SYT1: variants seen among roughly 807,000 people sequenced by gnomAD.
The protein encoded by SYT1 is synaptotagmin-1.
A neutral mutation model predicts 44.8 loss-of-function variants in SYT1; 8 were observed. The observed-to-expected ratio is 0.18, with a 90% CI of 0.10 to 0.32. SYT1 has a LOEUF of 0.32. Ranked by LOEUF, SYT1 falls within the 10% of genes least tolerant of loss-of-function variation. The pLI, the probability that SYT1 is intolerant of heterozygous loss-of-function variation, is 1.00. For missense variants in SYT1, 286 were observed against 509.3 expected, an observed-to-expected ratio of 0.56 and a Z score of 4.22; for synonymous variants, 154 against 188.8, an observed-to-expected ratio of 0.82 and a Z score of 1.51.
At position 79,209,294 on chromosome 12, in the gene SYT1, G is replaced by A. The variant is rs1452764231; in HGVS notation, c.-17-8209G>A. Among the ~76,000 whole-genome samples, 4 of 152,278 alleles carry A rather than the reference G, an allele frequency of 2.6e-5. No individual in the cohort carries two copies. The East Asian group carries it at 5.8e-4, about 22-fold the overall frequency. ...AACTGCCTAAGGATCTTTGGATTTGGAAAGAATTTAAATGAAAGCTTTGAC... is the reference window on the plus strand; with the variant it reads ...AACTGCCTAAGGATCTTTGGATTTGAAAAGAATTTAAATGAAAGCTTTGAC... On this transcript the variant is annotated intron_variant, in intron 3 of 10. Coordinates refer to ENST00000261205, the MANE Select transcript of SYT1 (RefSeq NM_005639.3).
chr12:79,321,212 A>G (rs1481142484), intron 8 of SYT1, among the ~76,000 whole-genome samples: 1 of 152,234 alleles, frequency 6.6e-6, no homozygotes, highest in African/African-American at 2.4e-5. Context: ...GAATCATATA[A>G]CTAAGGAAGT....
rs1289447828 is a variant in SYT1 at position 78,988,145 on chromosome 12, T to C, written c.-84+10214T>C. Among the ~76,000 whole-genome samples, 3 of 152,034 alleles carry C rather than the reference T, an allele frequency of 2.0e-5. No individual in the cohort carries two copies. The East Asian group carries it at 5.8e-4, about 29-fold the overall frequency. ...ACTGAACAAATTTTTTTTTTCAAAA[T>C]GTACAATGCGTTAGGCATTATACCT... On this transcript the variant is annotated intron_variant, in intron 2 of 10. Coordinates refer to ENST00000261205, the MANE Select transcript of SYT1 (RefSeq NM_005639.3).
intron 2 of SYT1, among the ~76,000 whole-genome samples, chr12:79,030,658 A>G (rs577822171): frequency 6.6e-6 from 1 of 151,232 alleles, no homozygotes; most frequent in African/African-American, 2.4e-5. Flanking sequence ...TTTCTATTTT[A>G]AACAGCATTT....
intron 3 of SYT1, among the ~76,000 whole-genome samples, chr12:79,061,906 C>T (rs1186235114): frequency 6.6e-6 from 1 of 151,944 alleles, no homozygotes; most frequent in Non-Finnish European, 1.5e-5. Flanking sequence ...ATTCTTGCTA[C>T]TTTTTTCTGC....
intron 3 of SYT1, among the ~76,000 whole-genome samples, chr12:79,138,558 A>G (rs1460713824): frequency 6.6e-6 from 1 of 152,222 alleles, no homozygotes. Flanking sequence ...AACTTTGGGT[A>G]AATTACCTCT....
At chr12:79,440,147 G>A (rs1870327315) in intron 9 of SYT1, among the ~76,000 whole-genome samples, 1 of 152,162 alleles carries the variant, frequency 6.6e-6, no homozygotes, top group Admixed American at 6.5e-5. Flanking sequence ...GAACCTGGGA[G>A]GCAGAGGTTG....
chr12:78,985,034 A>G (rs1281384007), intron 2 of SYT1, among the ~76,000 whole-genome samples: 1 of 152,014 alleles, frequency 6.6e-6, no homozygotes, highest in Non-Finnish European at 1.5e-5. Context: ...CCATTACAAG[A>G]CACATTGTAT....
intron 3 of SYT1, among the ~76,000 whole-genome samples, chr12:79,171,300 G>T (rs1871506644): frequency 6.6e-6 from 1 of 151,994 alleles, no homozygotes; most frequent in Admixed American, 6.6e-5. Context: ...CCATTTTCAT[G>T]ATATTGATTC....
intron 9 of SYT1, among the ~76,000 whole-genome samples, chr12:79,441,944 C>T (rs1238065424): frequency 6.6e-6 from 1 of 152,184 alleles, no homozygotes; most frequent in East Asian, 1.9e-4. Flanking sequence ...TTTTAAATTA[C>T]CCTATTCTCC....
At chr12:79,189,078 C>T (rs1872962747) in intron 3 of SYT1, among the ~76,000 whole-genome samples, 3 of 152,044 alleles carry the variant, frequency 2.0e-5, no homozygotes, top group Admixed American at 6.6e-5. Flanking sequence ...ATGGAGTAAA[C>T]TGTAACTGAG....
chr12:78,917,362 T>G (rs765472043), intron 1 of SYT1, among the ~76,000 whole-genome samples: 2 of 151,882 alleles, frequency 1.3e-5, no homozygotes, highest in African/African-American at 4.8e-5. Context: ...ATACCCAAAG[T>G]TGACTGTAGG....
intron 3 of SYT1, among the ~76,000 whole-genome samples, chr12:79,082,144 C>T (rs1877077000): frequency 6.6e-6 from 1 of 152,070 alleles, no homozygotes; most frequent in African/African-American, 2.4e-5. Context: ...GGAATTTTGA[C>T]CTTTTATAGA....
chr12:79,261,613 A>G (rs1371222198), intron 4 of SYT1, among the ~76,000 whole-genome samples: 1 of 152,176 alleles, frequency 6.6e-6, no homozygotes, highest in African/African-American at 2.4e-5. Flanking sequence ...GAATATCTTT[A>G]GGTTAAAAAA....
At chr12:79,187,526 A>T (rs1872873276) in intron 3 of SYT1, among the ~76,000 whole-genome samples, 1 of 152,050 alleles carries the variant, frequency 6.6e-6, no homozygotes, top group South Asian at 2.1e-4. Flanking sequence ...AATTTTGGTA[A>T]TTTCCCAATT....
chr12:78,941,394 T>TAC (rs71441941), intron 1 of SYT1, among the ~76,000 whole-genome samples: 3,495 of 143,774 alleles, frequency 0.024, 43 homozygotes, highest in African/African-American at 0.028. Context: ...TAATAGAATC[T>TAC]ACACACACAC....
intron 3 of SYT1, among the ~76,000 whole-genome samples, chr12:79,158,903 A>G (rs1870774500): frequency 6.6e-6 from 1 of 152,122 alleles, no homozygotes; most frequent in Non-Finnish European, 1.5e-5. Flanking sequence ...CTCAAAAAAA[A>G]AAAATTGATA....
chr12:79,191,320 C>T (rs1873109472), intron 3 of SYT1, among the ~76,000 whole-genome samples: 1 of 151,972 alleles, frequency 6.6e-6, no homozygotes, highest in African/African-American at 2.4e-5. Flanking sequence ...AAGTGTACAT[C>T]AACAGTAGGG....
intron 1 of SYT1, among the ~76,000 whole-genome samples, chr12:78,916,952 T>A (rs1253340320): frequency 2.0e-5 from 3 of 151,948 alleles, no homozygotes; most frequent in African/African-American, 7.2e-5. Flanking sequence ...ATTGTCCCTG[T>A]CCTTTATTAG....
At chr12:79,199,143 A>T (rs1231525322) in intron 3 of SYT1, among the ~76,000 whole-genome samples, 1 of 152,094 alleles carries the variant, frequency 6.6e-6, no homozygotes, top group Non-Finnish European at 1.5e-5. Context: ...TATCCTCTTT[A>T]ATGCCATACC....
Sources: allele counts gnomAD v4.1 joint callset (sites outside exome capture counted in the v4.1 genomes callset), GRCh38; gene constraint gnomAD v4.1.1; transcripts MANE v1.5; gene names NCBI Gene and HGNC (gene_info 2026-07-23, HGNC 2026-07-21).